The following GOLGA4 variants were observed in gnomAD, a reference collection of about 807,000 sequenced individuals.
GOLGA4 encodes the protein golgin subfamily A member 4.
GOLGA4 carries 169 observed loss-of-function variants against 265.9 expected under a neutral mutation model. That is an observed-to-expected ratio of 0.64 (90% CI 0.56 to 0.72). The LOEUF (loss-of-function observed/expected upper bound fraction) is 0.72, where lower values mean the gene tolerates loss of function less well. Ranked by LOEUF, GOLGA4 falls within the 30% of genes least tolerant of loss-of-function variation. The pLI, the probability that GOLGA4 is intolerant of heterozygous loss-of-function variation, is 0.00. For synonymous variants in GOLGA4, 923 were observed against 855.8 expected, an observed-to-expected ratio of 1.08 and a Z score of -1.37; for missense variants, 2,482 against 2,483.4, an observed-to-expected ratio of 1.00 and a Z score of 0.01.
intron 20 of GOLGA4, among the ~76,000 whole-genome samples, chr3:37,344,527 CT>C (rs1231109358): frequency 5.2e-5 from 6 of 115,882 alleles, no homozygotes; most frequent in African/African-American, 2.0e-4. Flanking sequence ...GAGATGAGGT[CT>C]TTCTATGTTG....
In GOLGA4 at chr3:37,326,855, T is replaced by A; in HGVS notation, c.4969T>A (p.Ser1657Thr). Residue 1657 changes from serine to threonine, a missense_variant, in exon 14 of 24, where the codon TCT becomes ACT. By Grantham distance (58) the Ser-to-Thr change is moderately conservative (BLOSUM62 1). This residue lies in a region of GOLGA4 where 942 missense variants were observed against 983.1 expected (regional missense o/e 0.96). Coordinates refer to ENST00000361924, the MANE Select transcript of GOLGA4 (RefSeq NM_002078.5). ...KIAAIKKQLL[S>T]QMEEKEEQYK... is the part of the protein sequence containing the mutation. ...TGCTGCCATTAAGAAGCAGTTGTTA[T>A]CTCAAATGGAAGAGAAAGAAGAACA... 3 of 1,613,472 alleles carry A rather than the reference T, an allele frequency of 1.9e-6. No homozygotes were observed. The highest frequency in any genetic ancestry group is 2.5e-6 in the Non-Finnish European group (3 of 1,179,774).
intron 2 of GOLGA4, among the ~76,000 whole-genome samples, chr3:37,255,224 G>A (rs2096745203): frequency 6.6e-6 from 1 of 151,746 alleles, no homozygotes; most frequent in South Asian, 2.1e-4. Flanking sequence ...GCAGTGGTGC[G>A]ATCTCAGCTC....
chr3:37,339,703 C>A (rs2097026486), intron 19 of GOLGA4, among the ~76,000 whole-genome samples: 2 of 152,212 alleles, frequency 1.3e-5, no homozygotes, highest in African/African-American at 4.8e-5. Context: ...AATGTCTACT[C>A]AAGTCCTTTG....
In GOLGA4 at chr3:37,325,518, A is replaced by G; in HGVS notation, c.3632A>G (p.Glu1211Gly). ...AGCTTGGAATTTAAAAAACTGTCTG[A>G]GGAACTAGCGATTCAGCTAGATATT... ...DKSLEFKKLS[E>G]ELAIQLDICC... Residue 1211 changes from glutamate to glycine, a missense_variant, in exon 14 of 24, where the codon GAG becomes GGG. Glu to Gly is a moderately conservative substitution (Grantham distance 98). This residue lies in a region of GOLGA4 where 1,536 missense variants were observed against 1,483.7 expected (regional missense o/e 1.04). Coordinates refer to ENST00000361924, the MANE Select transcript of GOLGA4 (RefSeq NM_002078.5). 1 of 1,613,870 alleles carries G rather than the reference A, an allele frequency of 6.2e-7. No homozygotes were observed. The highest frequency in any genetic ancestry group is 1.7e-5 in the Admixed American group (1 of 59,984).
In GOLGA4 at chr3:37,326,937, G is replaced by C. The variant is rs751461950; in HGVS notation, c.5051G>C (p.Arg1684Thr). The change falls in exon 14 of 24, where the codon AGA becomes ACA. Residue 1684 changes from arginine (R) to threonine (T), a missense_variant. Around this residue, in one of 3 missense-constraint regions of GOLGA4, gnomAD observed 942 missense variants for 983.1 expected, o/e 0.96. Transcript: ENST00000361924. ...GAGCTAAATACAAAATTGCAGGAAA[G>C]AGAAAGGGAAGTTCACATCTTGGAA... ...LSELNTKLQEREREVHILEEK... is the reference protein window; with the variant it reads ...LSELNTKLQETEREVHILEEK... The C allele has an allele frequency of 1.2e-6, 2 of 1,613,908 alleles. No homozygotes were observed. The highest frequency in any genetic ancestry group is 1.7e-6 in the Non-Finnish European group (2 of 1,179,850).
intron 5 of GOLGA4, 124 bp from the exon 6 acceptor site, chr3:37,294,855 C>CT (rs1309827123): frequency 2.2e-5 from 13 of 590,670 alleles, no homozygotes; most frequent in Non-Finnish European, 4.0e-5. Flanking sequence ...TAATTATTCT[C>CT]TAATTATTGT....
chr3:37,265,894 A>G (rs1271092758), intron 2 of GOLGA4, among the ~76,000 whole-genome samples: 1 of 151,700 alleles, frequency 6.6e-6, no homozygotes, highest in Non-Finnish European at 1.5e-5. Context: ...AGGCATAGTG[A>G]TGTGCGCCTG....
At chr3:37,244,274 G>A (rs1056576292) in intron 1 of GOLGA4, 2 of 152,284 alleles carry the variant, frequency 1.3e-5, no homozygotes, top group Non-Finnish European at 2.9e-5. Flanking sequence ...TGGTTAATCC[G>A]GGACTGGCGG....
intron 12 of GOLGA4, 150 bp downstream of exon 12, chr3:37,319,344 T>TC (rs562243057): frequency 7.5e-6 from 4 of 530,354 alleles, no homozygotes; most frequent in Non-Finnish European, 1.3e-5. Context: ...AGGCAAGCTG[T>TC]CAGAGCTTAT....
Position 37,317,484 on chromosome 3 carries a change from T to A in GOLGA4, c.1414-1579T>A, listed in dbSNP as rs549563077. On this transcript the variant is annotated intron_variant, in intron 11 of 23. Transcript: ENST00000361924. The stretch of plus-strand genomic sequence containing the variant: ...TGTGCCTGGCCTGTGAATATTCTTA[T>A]CCATACTTGTTCACATTTGTATTTA... 3.3e-5 allele frequency among the ~76,000 whole-genome samples: 5 copies of A among 152,316 alleles called. No homozygotes were observed. In the East Asian group the frequency reaches 9.6e-4, roughly 29 times the overall value.
At chr3:37,275,775 T>C in intron 2 of GOLGA4, 1 of 1,613,500 alleles carries the variant, frequency 6.2e-7, no homozygotes, top group Non-Finnish European at 8.5e-7. Flanking sequence ...TTGGATTTGC[T>C]AAAGGAGCTT....
chr3:37,284,262 C>T (rs889796111), intron 3 of GOLGA4, among the ~76,000 whole-genome samples: 1 of 152,058 alleles, frequency 6.6e-6, no homozygotes, highest in African/African-American at 2.4e-5. Context: ...TAAATGTGAA[C>T]ACCATTTTTC....
At chr3:37,260,609 G>A (rs1254071054) in intron 2 of GOLGA4, among the ~76,000 whole-genome samples, 1 of 146,570 alleles carries the variant, frequency 6.8e-6, no homozygotes, top group East Asian at 2.1e-4. Flanking sequence ...CTGCACTCCA[G>A]CCTGGGCAAC....
chr3:37,270,048 C>T (rs956324381), intron 2 of GOLGA4, among the ~76,000 whole-genome samples: 2 of 151,736 alleles, frequency 1.3e-5, no homozygotes, highest in African/African-American at 4.8e-5. Flanking sequence ...TGCTCGCCAC[C>T]ATGCCTGGCT....
chr3:37,333,564 G>A (rs961731065), intron 16 of GOLGA4, among the ~76,000 whole-genome samples: 1 of 152,126 alleles, frequency 6.6e-6, no homozygotes, highest in Non-Finnish European at 1.5e-5. Flanking sequence ...ATTAGAAACT[G>A]AGCCTGACTA....
chr3:37,243,392 G>C lies in GOLGA4; in HGVS notation c.-159G>C, dbSNP rs2096708039. On this transcript the variant is annotated 5_prime_UTR_variant, in exon 1 of 24. Coordinates refer to ENST00000361924, the MANE Select transcript of GOLGA4 (RefSeq NM_002078.5). ...GCGGCGACGCCGACACCCTCAGGAC[G>C]AGTGTCCGGACTTGCCCACAGCCTC... The C allele has an allele frequency of 3.1e-6, 2 of 651,340 alleles. No individual in the cohort carries two copies. Among genetic ancestry groups the C allele is most frequent in the African/African-American group, 3.8e-5 (2 of 53,146 alleles). 40.3% of individuals were successfully genotyped at this position (651,340 alleles called of 1,614,324 possible).
intron 22 of GOLGA4, among the ~76,000 whole-genome samples, chr3:37,355,481 A>G (rs2097088568): frequency 6.6e-6 from 1 of 152,130 alleles, no homozygotes; most frequent in African/African-American, 2.4e-5. Flanking sequence ...AAGGATGGAA[A>G]AGACATTTGT....
intron 6 of GOLGA4, among the ~76,000 whole-genome samples, chr3:37,295,418 T>C (rs1156889089): frequency 6.6e-6 from 1 of 152,166 alleles, no homozygotes; most frequent in East Asian, 1.9e-4. Context: ...GGGGTCTCAC[T>C]ATGTCGCCCA....
At chr3:37,362,297 C>T (rs1418978813) in intron 23 of GOLGA4, among the ~76,000 whole-genome samples, 18 of 145,652 alleles carry the variant, frequency 1.2e-4, no homozygotes, top group Non-Finnish European at 1.7e-4. Flanking sequence ...AGTGCAGTGG[C>T]GGGATCTCGG....
Sources: allele counts gnomAD v4.1 joint callset (sites outside exome capture counted in the v4.1 genomes callset), GRCh38; gene constraint gnomAD v4.1.1; regional missense constraint gnomAD v4.1.1; transcripts MANE v1.5; gene names NCBI Gene and HGNC (gene_info 2026-07-23, HGNC 2026-07-21).